Variants in CCDC179 observed in about 807,000 individuals in gnomAD.
CCDC179 encodes the protein coiled-coil domain containing 179, also known as coiled-coil domain-containing protein 179.
A neutral mutation model predicts 12.0 loss-of-function variants in CCDC179; 17 were observed. The observed-to-expected ratio is 1.42, with a 90% CI of 0.97 to 2.13. The LOEUF is 2.13. CCDC179 is among the 30% of genes most tolerant of loss of function. CCDC179 has a pLI of 0.00. For missense variants in CCDC179, 83 were observed against 78.6 expected, an observed-to-expected ratio of 1.06 and a Z score of -0.21; for synonymous variants, 27 against 26.4, an observed-to-expected ratio of 1.02 and a Z score of -0.07.
In CCDC179 at chr11:22,850,976, A is replaced by ATTT. The variant is rs1164245496; in HGVS notation, c.196-3458_196-3456dup. Among the ~76,000 whole-genome samples the ATTT allele has an allele frequency of 8.8e-3, 54 of 6,120 alleles. 14 individuals carry two copies. Among genetic ancestry groups the ATTT allele is most frequent in the African/African-American group, 0.015 (50 of 3,268 alleles). The allele number at this position is 6,120 out of a possible 152,430, so 4.0% of individuals were successfully genotyped here. ...TATATATATATATATATATATATAT[A>ATTT]TTTTTTTTTTTTTTTTTTTTTTTTG... is the stretch of plus-strand genomic sequence containing the variant. On this transcript the variant is annotated intron_variant, in intron 3 of 3. Coordinates refer to ENST00000532798, the MANE Select transcript of CCDC179 (RefSeq NM_001195637.2).
chr11:22,854,167 G>A (rs1340159507), intron 3 of CCDC179, among the ~76,000 whole-genome samples: 3 of 151,736 alleles, frequency 2.0e-5, no homozygotes, highest in Non-Finnish European at 3.0e-5. Context: ...AGGAATATTT[G>A]TTACTAGTAG....
chr11:22,850,939 G>GATATAT (rs1564914940), intron 3 of CCDC179, among the ~76,000 whole-genome samples: 2 of 55,704 alleles, frequency 3.6e-5, no homozygotes, highest in South Asian at 7.3e-4. Context: ...TGTTGCATAG[G>GATATAT]CTATATATAT....
At chr11:22,851,247 G>A (rs1218565825) in intron 3 of CCDC179, among the ~76,000 whole-genome samples, 4 of 151,624 alleles carry the variant, frequency 2.6e-5, no homozygotes, top group Admixed American at 2.0e-4. Flanking sequence ...TTTCTGTATG[G>A]CAATGTGTAA....
intron 3 of CCDC179, among the ~76,000 whole-genome samples, chr11:22,849,687 C>G (rs1201170696): frequency 6.6e-6 from 1 of 152,074 alleles, no homozygotes; most frequent in Non-Finnish European, 1.5e-5. Context: ...CCCCATGTGT[C>G]TCGAAAGTCC....
In CCDC179 at chr11:22,858,275, C is replaced by T. The variant is rs1564917484; in HGVS notation, c.91-249G>A. 14 of 273,766 alleles carry T rather than the reference C, an allele frequency of 5.1e-5. No homozygotes were observed. In the South Asian group the frequency reaches 1.1e-3, roughly 22 times the overall value. 17.0% of individuals were successfully genotyped at this position (273,766 alleles called of 1,614,324 possible). On this transcript the variant is annotated intron_variant, in intron 2 of 3. Coordinates refer to ENST00000532798, the MANE Select transcript of CCDC179 (RefSeq NM_001195637.2). ...ACTATTCTTGATTCTCATCTTACCA[C>T]TGCATACACTTAAGTAGATCCAGAC...
At chr11:22,855,067 T>C (rs921634394) in intron 3 of CCDC179, among the ~76,000 whole-genome samples, 3 of 151,736 alleles carry the variant, frequency 2.0e-5, no homozygotes, top group African/African-American at 7.2e-5. Flanking sequence ...AGGCAAAAAC[T>C]GATAAAAGTG....
At chr11:22,859,538 T>G (rs1239526119) in intron 1 of CCDC179, 42 bp from the exon 2 acceptor site, 2 of 1,261,852 alleles carry the variant, frequency 1.6e-6, no homozygotes, top group South Asian at 2.0e-5. Flanking sequence ...CACAAAAAAG[T>G]CATTAAAAAC....
chr11:22,849,053 T>A lies in CCDC179; in HGVS notation c.196-1532A>T, dbSNP rs145449340. On this transcript the variant is annotated intron_variant, in intron 3 of 3. Transcript: ENST00000532798. ...GAGCTTAAATGGGAGATACTATACATCTTGGTCAATATATAGAAGAAAAAC... is the reference window on the plus strand; with the variant it reads ...GAGCTTAAATGGGAGATACTATACAACTTGGTCAATATATAGAAGAAAAAC... 7.4e-3 allele frequency among the ~76,000 whole-genome samples: 1,127 copies of A among 152,356 alleles called. 18 individuals carry two copies. Among genetic ancestry groups the A allele is most frequent in the African/African-American group, 0.025 (1,049 of 41,592 alleles).
In CCDC179 at chr11:22,847,083, CTGTTTAAAGTATTTAAACATTT is replaced by C. The variant is rs1197095403; in HGVS notation, c.*405_*426del. 1.3e-5 allele frequency: 2 copies of C among 153,018 alleles called. No individual in the cohort carries two copies. The highest frequency in any genetic ancestry group is 2.9e-5 in the Non-Finnish European group (2 of 68,746). 9.5% of individuals were successfully genotyped at this position (153,018 alleles called of 1,614,324 possible). A position where few individuals can be genotyped will look rare whatever the true frequency, so the allele number is the denominator to read the frequency against. The stretch of plus-strand genomic sequence containing the variant: ...TAGTTATAATAACAGTCTCCTAGGA[CTGTTTAAAGTATTTAAACATTT>C]TGTTTAAATGGAAGTCATTATAAAT... On this transcript the variant is annotated 3_prime_UTR_variant, in exon 4 of 4. Transcript: ENST00000532798.
rs1449735385 is a variant in CCDC179, at chr11:22,847,283, T to C, written c.*227A>G. The C allele has an allele frequency of 5.6e-6, 2 of 354,566 alleles. No homozygotes were observed. Among genetic ancestry groups the C allele is most frequent in the Non-Finnish European group, 1.0e-5 (2 of 199,872 alleles). 22.0% of individuals were successfully genotyped at this position (354,566 alleles called of 1,614,324 possible). On this transcript the variant is annotated 3_prime_UTR_variant, in exon 4 of 4. Coordinates refer to ENST00000532798, the MANE Select transcript of CCDC179 (RefSeq NM_001195637.2). ...TATTATTTGTTGAAAAGCAGCAAAT[T>C]TCAAGTTTACCACAGGAAAGAAAAA...
chr11:22,859,241 C>T (rs1389255874), intron 2 of CCDC179, among the ~76,000 whole-genome samples: 1 of 152,064 alleles, frequency 6.6e-6, no homozygotes, highest in Non-Finnish European at 1.5e-5. Flanking sequence ...GTATATGTGT[C>T]AAATGTTACA....
At chr11:22,850,616 A>C (rs1258023522) in intron 3 of CCDC179, among the ~76,000 whole-genome samples, 1 of 152,048 alleles carries the variant, frequency 6.6e-6, no homozygotes, top group East Asian at 1.9e-4. Flanking sequence ...CAGTAGTGGG[A>C]TTGCTGGATC....
intron 3 of CCDC179, among the ~76,000 whole-genome samples, chr11:22,857,288 G>A (rs1418540359): frequency 1.3e-5 from 2 of 151,544 alleles, no homozygotes; most frequent in East Asian, 1.9e-4. Context: ...TATAGTTTTC[G>A]AGACAGTATG....
chr11:22,852,180 G>A (rs1373319834), intron 3 of CCDC179, among the ~76,000 whole-genome samples: 2 of 152,168 alleles, frequency 1.3e-5, no homozygotes, highest in African/African-American at 2.4e-5. Flanking sequence ...ATAGGAAACT[G>A]CTCTTGCAGT....
At chr11:22,850,259 A>T (rs941824758) in intron 3 of CCDC179, among the ~76,000 whole-genome samples, 1 of 152,226 alleles carries the variant, frequency 6.6e-6, no homozygotes. Flanking sequence ...GCTGCTTTTC[A>T]TTAAAGGGAA....
At chr11:22,857,319 T>A (rs1199839626) in intron 3 of CCDC179, among the ~76,000 whole-genome samples, 1 of 151,572 alleles carries the variant, frequency 6.6e-6, no homozygotes, top group Non-Finnish European at 1.5e-5. Flanking sequence ...AAAACAGGAT[T>A]CAACGAGACA....
Position 22,850,967 on chromosome 11 carries a change from TATA to T in CCDC179, c.196-3449_196-3447del, listed in dbSNP as rs1201689130. On this transcript the variant is annotated intron_variant, in intron 3 of 3. Coordinates refer to ENST00000532798, the MANE Select transcript of CCDC179 (RefSeq NM_001195637.2). ...ATATATATATATATATATATATATATATATATATATTTTTTTTTTTTTTTTTTT... is the reference window on the plus strand; with the variant it reads ...ATATATATATATATATATATATATATTATATATTTTTTTTTTTTTTTTTTT... Among the ~76,000 whole-genome samples, 126 of 24,876 alleles carry T rather than the reference TATA, an allele frequency of 5.1e-3. 2 individuals are homozygous for T. Among genetic ancestry groups the T allele is most frequent in the Non-Finnish European group, 8.0e-3 (102 of 12,746 alleles). 16.3% of individuals were successfully genotyped at this position (24,876 alleles called of 152,430 possible). A position where few individuals can be genotyped will look rare whatever the true frequency, so the allele number is the denominator to read the frequency against.
chr11:22,850,951 TATATATA>T (rs1858365664), intron 3 of CCDC179, among the ~76,000 whole-genome samples: 1 of 8,412 alleles, frequency 1.2e-4, no homozygotes, highest in Admixed American at 1.1e-3. Flanking sequence ...TATATATATA[TATATATA>T]TATATATATA....
At chr11:22,852,446 G>C (rs955792911) in intron 3 of CCDC179, among the ~76,000 whole-genome samples, 6 of 152,268 alleles carry the variant, frequency 3.9e-5, no homozygotes, top group African/African-American at 1.4e-4. Context: ...CCATTATTCT[G>C]GAGGTCACAA....
Sources: gnomAD v4.1 joint callset for allele counts (sites outside exome capture counted in the v4.1 genomes callset) on GRCh38, gnomAD v4.1.1 for gene constraint, MANE v1.5 for transcripts, NCBI Gene and HGNC (gene_info 2026-07-23, HGNC 2026-07-21) for gene names.